SORCS1: variants seen among roughly 807,000 people sequenced by gnomAD.
The protein encoded by SORCS1 is sortilin related VPS10 domain containing receptor 1.
Under a neutral mutation model 146.1 loss-of-function variants are expected in SORCS1, and 60 were observed. That is an observed-to-expected ratio of 0.41 (90% CI 0.33 to 0.51). The LOEUF is 0.51. Ranked by LOEUF, SORCS1 falls within the 20% of genes least tolerant of loss-of-function variation. The probability of loss-of-function intolerance (pLI) is 0.21; values close to 1 mark genes in which losing one functional copy is unlikely to be tolerated. For synonymous variants in SORCS1, 637 were observed against 584.0 expected (o/e 1.09, Z -1.31); for missense variants, 1,352 against 1,487.6 (o/e 0.91, Z 1.50).
At chr10:107,012,824 C>A (rs1957745016) in intron 1 of SORCS1, among the ~76,000 whole-genome samples, 1 of 152,178 alleles carries the variant, frequency 6.6e-6, no homozygotes, top group Admixed American at 6.5e-5. Flanking sequence ...TTATTTATAA[C>A]ATTGTGCATG....
At chr10:106,661,996 G>A (rs1411237944) in intron 17 of SORCS1, among the ~76,000 whole-genome samples, 7 of 152,172 alleles carry the variant, frequency 4.6e-5, no homozygotes, top group East Asian at 1.9e-4. Context: ...AAACCCTGAC[G>A]CCACTGGACC....
chr10:107,061,897 A>C (rs1183762442), intron 1 of SORCS1, among the ~76,000 whole-genome samples: 1 of 152,228 alleles, frequency 6.6e-6, no homozygotes, highest in Non-Finnish European at 1.5e-5. Context: ...AATATATGTG[A>C]AATAAATATT....
At chr10:106,850,445 C>G (rs559769825) in intron 2 of SORCS1, among the ~76,000 whole-genome samples, 23 of 152,196 alleles carry the variant, frequency 1.5e-4, no homozygotes, top group Non-Finnish European at 2.5e-4. Context: ...TGCTTCGGCT[C>G]GCACACGGTG....
intron 2 of SORCS1, among the ~76,000 whole-genome samples, chr10:106,878,185 C>G (rs1408348661): frequency 7.0e-6 from 1 of 142,432 alleles, no homozygotes; most frequent in African/African-American, 2.7e-5. Context: ...TTTTTTAAGT[C>G]CAGATACTAC....
intron 1 of SORCS1, among the ~76,000 whole-genome samples, chr10:107,025,602 C>G (rs1201449402): frequency 6.6e-6 from 1 of 152,148 alleles, no homozygotes; most frequent in East Asian, 1.9e-4. Context: ...AACAAAATAA[C>G]TGATGACAGG....
intron 23 of SORCS1, among the ~76,000 whole-genome samples, 177 bp from the exon 24 acceptor site, chr10:106,597,627 A>G (rs926156153): frequency 3.9e-5 from 6 of 152,230 alleles, no homozygotes; most frequent in Non-Finnish European, 8.8e-5. Context: ...ATTATTTTTA[A>G]GCATGACCTG....
At chr10:106,980,142 T>C (rs997857432) in intron 1 of SORCS1, among the ~76,000 whole-genome samples, 3 of 152,172 alleles carry the variant, frequency 2.0e-5, no homozygotes, top group Non-Finnish European at 4.4e-5. Flanking sequence ...ATCTAACAAA[T>C]GCATGCCCTG....
intron 4 of SORCS1, among the ~76,000 whole-genome samples, chr10:106,766,737 A>G (rs1252124789): frequency 2.6e-5 from 4 of 152,220 alleles, no homozygotes. Context: ...TAAGTTTCTC[A>G]AAGAAAATGT....
intron 1 of SORCS1, among the ~76,000 whole-genome samples, chr10:107,097,742 G>T (rs1466179855): frequency 6.6e-6 from 1 of 152,156 alleles, no homozygotes; most frequent in Non-Finnish European, 1.5e-5. Flanking sequence ...GGTGATAGCT[G>T]CACATCAGCT....
At chr10:106,585,647 A>G (rs1210872611) in intron 24 of SORCS1, among the ~76,000 whole-genome samples, 2 of 152,228 alleles carry the variant, frequency 1.3e-5, no homozygotes, top group Admixed American at 1.3e-4. Flanking sequence ...CTCACCTAAA[A>G]GGCAAGAGGT....
chr10:107,114,164 A>C (rs943474006), intron 1 of SORCS1, among the ~76,000 whole-genome samples: 2 of 152,154 alleles, frequency 1.3e-5, no homozygotes, highest in Admixed American at 6.5e-5. Flanking sequence ...AAACCTCCCA[A>C]CAAAAAAATT....
At chr10:106,786,043 G>C (rs996263139) in intron 3 of SORCS1, among the ~76,000 whole-genome samples, 1 of 152,108 alleles carries the variant, frequency 6.6e-6, no homozygotes, top group Non-Finnish European at 1.5e-5. Flanking sequence ...ACAGCAGTGC[G>C]GTGTTTTATG....
chr10:107,028,682 T>C lies in SORCS1; in HGVS notation c.559-72102A>G, dbSNP rs531574137. On this transcript the variant is annotated intron_variant, in intron 1 of 25. Transcript: ENST00000263054. ...CCTTCATAATTCAATCAAGCACTGTTGTAGAAACCAACCAACAATCCAACC... is the reference window on the plus strand; with the variant it reads ...CCTTCATAATTCAATCAAGCACTGTCGTAGAAACCAACCAACAATCCAACC... 8.5e-5 allele frequency among the ~76,000 whole-genome samples: 13 copies of C among 152,338 alleles called. 1 individual carries two copies. The highest frequency in any genetic ancestry group is 2.6e-4 in the African/African-American group (11 of 41,584).
intron 2 of SORCS1, among the ~76,000 whole-genome samples, chr10:106,883,414 T>A (rs1433973180): frequency 7.6e-6 from 1 of 131,438 alleles, no homozygotes; most frequent in Non-Finnish European, 1.6e-5. Context: ...AATTAGCAAA[T>A]GTATTTTTTT....
intron 18 of SORCS1, among the ~76,000 whole-genome samples, chr10:106,649,473 T>A (rs534009013): frequency 6.6e-6 from 1 of 152,228 alleles, no homozygotes; most frequent in Non-Finnish European, 1.5e-5. Flanking sequence ...AAAAACTATT[T>A]GTGTTTTCTG....
At chr10:106,600,116 A>G (rs564879536) in intron 23 of SORCS1, among the ~76,000 whole-genome samples, 1 of 152,296 alleles carries the variant, frequency 6.6e-6, no homozygotes, top group Non-Finnish European at 1.5e-5. Context: ...ATCACTGAGA[A>G]TGTTTTCTCT....
At chr10:106,848,016 A>G (rs1242527501) in intron 2 of SORCS1, among the ~76,000 whole-genome samples, 1 of 139,966 alleles carries the variant, frequency 7.1e-6, no homozygotes, top group Admixed American at 7.2e-5. Context: ...TATGTGGTCA[A>G]TTTTGGAATA....
At chr10:106,818,976 A>G (rs1325526831) in intron 3 of SORCS1, among the ~76,000 whole-genome samples, 1 of 152,266 alleles carries the variant, frequency 6.6e-6, no homozygotes, top group African/African-American at 2.4e-5. Context: ...CAGACTGTGC[A>G]ATCATTAAGA....
chr10:106,757,698 T>G (rs924791611), intron 5 of SORCS1, among the ~76,000 whole-genome samples: 45 of 152,202 alleles, frequency 3.0e-4, no homozygotes, highest in Non-Finnish European at 7.3e-5. Context: ...CAAAAGAACT[T>G]TGGGCTCTCA....
Sources: gnomAD v4.1 joint callset for allele counts (sites outside exome capture counted in the v4.1 genomes callset) on GRCh38, gnomAD v4.1.1 for gene constraint, MANE v1.5 for transcripts, NCBI Gene and HGNC (gene_info 2026-07-23, HGNC 2026-07-21) for gene names.